The following ICA1L variants were observed in gnomAD, a reference collection of about 807,000 sequenced individuals.
ICA1L encodes the protein islet cell autoantigen 1 like.
In ICA1L, 50 loss-of-function variants were observed where a neutral mutation model predicts 61.3. The observed-to-expected ratio is 0.82, with a 90% confidence interval of 0.65 to 1.03. ICA1L has a LOEUF of 1.03. Among genes scored for constraint, ICA1L ranks in the 50% least tolerant of loss-of-function variants. ICA1L has a pLI of 0.00. For synonymous variants in ICA1L, 161 were observed against 191.3 expected, an observed-to-expected ratio of 0.84 and a Z score of 1.31; for missense variants, 508 against 556.7, an observed-to-expected ratio of 0.91 and a Z score of 0.88.
intron 9 of ICA1L, among the ~76,000 whole-genome samples, chr2:202,799,817 C>T (rs80239256): frequency 0.039 from 5,844 of 150,202 alleles, 363 homozygotes; most frequent in African/African-American, 0.13. Flanking sequence ...GGTCCAGGTT[C>T]ATTGTTCTAC....
Position 202,785,974 on chromosome 2 carries a change from A to C in ICA1L, c.1277T>G (p.Leu426Arg). 1 of 1,610,344 alleles carries C rather than the reference A, an allele frequency of 6.2e-7. No homozygotes were observed. The highest frequency in any genetic ancestry group is 8.5e-7 in the Non-Finnish European group (1 of 1,177,238). Residue 426 changes from leucine to arginine, a missense_variant, in exon 12 of 13, where the codon CTT becomes CGT. Physicochemically the swap from Leu to Arg is moderately radical, Grantham distance 102. Transcript: ENST00000358299. ...CACTGGCTGGTTATCAGTGTGTGAA[A>C]GACAAAGTTCTGATTCCTCTTGGGA... ...WVSQEESELC[L>R]SHTDNQPVPS...
chr2:202,787,382 G>A (rs1018359091), intron 11 of ICA1L, among the ~76,000 whole-genome samples: 19 of 152,232 alleles, frequency 1.2e-4, no homozygotes, highest in African/African-American at 4.1e-4. Context: ...GGAGTTGATA[G>A]TGGAGAATGA....
chr2:202,838,074 G>A (rs984604400), intron 1 of ICA1L, among the ~76,000 whole-genome samples: 2 of 151,946 alleles, frequency 1.3e-5, no homozygotes, highest in African/African-American at 4.8e-5. Flanking sequence ...GGCTGATCTC[G>A]ATCTCCTGAC....
chr2:202,831,479 C>T (rs745717390), intron 1 of ICA1L, among the ~76,000 whole-genome samples: 19 of 152,220 alleles, frequency 1.2e-4, no homozygotes, highest in Non-Finnish European at 2.6e-4. Context: ...ATATGACAAA[C>T]TGTTAATCTC....
At position 202,815,907 on chromosome 2, in the gene ICA1L, G is replaced by A. The variant is rs758428250; in HGVS notation, c.783+4C>T. ...TAAACAAGAGAACATGGAACACAAT[G>A]TACCTTGAGAGCTACAAAATCATAC... On this transcript the variant is annotated splice_donor_region_variant and intron_variant, in intron 7 of 12. Coordinates refer to ENST00000358299, the MANE Select transcript of ICA1L (RefSeq NM_001288622.3). 7 of 1,548,806 alleles carry A rather than the reference G, an allele frequency of 4.5e-6. No homozygotes were observed. The highest frequency in any genetic ancestry group is 2.4e-5 in the South Asian group (2 of 83,602).
rs547411488 is a variant in ICA1L, at chr2:202,852,142, C to T, written c.-8+19477G>A. 2.6e-5 allele frequency among the ~76,000 whole-genome samples: 4 copies of T among 152,226 alleles called. No individual in the cohort carries two copies. In the East Asian group the frequency reaches 7.7e-4, roughly 29 times the overall value. Reference sequence around the variant, plus strand: ...TTCTAGGGTTTTTATGGTTTTAGGTCTAACATTTCAGTCTTTACTATTTAG... The same window carrying T: ...TTCTAGGGTTTTTATGGTTTTAGGTTTAACATTTCAGTCTTTACTATTTAG... On this transcript the variant is annotated intron_variant, in intron 1 of 12. Coordinates refer to ENST00000358299, the MANE Select transcript of ICA1L (RefSeq NM_001288622.3).
At chr2:202,818,372 TATC>T (rs1693599329) in intron 5 of ICA1L, among the ~76,000 whole-genome samples, 1 of 152,100 alleles carries the variant, frequency 6.6e-6, no homozygotes. Context: ...GTGAAGACCT[TATC>T]ATGTTAGAAC....
At chr2:202,863,898 A>G (rs949619354) in intron 1 of ICA1L, among the ~76,000 whole-genome samples, 2 of 152,134 alleles carry the variant, frequency 1.3e-5, no homozygotes, top group African/African-American at 4.8e-5. Flanking sequence ...TAAGAAAGGT[A>G]TATTTTTAAC....
chr2:202,841,512 C>G, intron 1 of ICA1L: 1 of 738,026 alleles, frequency 1.4e-6, no homozygotes, highest in South Asian at 1.4e-5. Flanking sequence ...TGGGTGCACA[C>G]GGCCTGGATG....
At position 202,788,836 on chromosome 2, in the gene ICA1L, A is replaced by G. The variant is rs747847974; in HGVS notation, c.1237T>C (p.Phe413Leu). Residue 413 changes from phenylalanine (F) to leucine (L), a missense_variant, in exon 11 of 13, where the codon TTC becomes CTC. Phe to Leu is a conservative substitution (Grantham distance 22). Transcript: ENST00000358299. ...FDLGFHVAGAFNNWVSQEESE... is the reference protein window; with the variant it reads ...FDLGFHVAGALNNWVSQEESE... ...ATGTTTCATAGACACTTACTGTTGAACGCTCCAGCCACATGAAAGCCAAGG... is the reference window on the plus strand; with the variant it reads ...ATGTTTCATAGACACTTACTGTTGAGCGCTCCAGCCACATGAAAGCCAAGG... The G allele has an allele frequency of 1.9e-6, 3 of 1,614,028 alleles. No individual in the cohort carries two copies. The Admixed American group carries it at 5.0e-5, about 27-fold the overall frequency.
At chr2:202,819,390 G>A (rs1286261933) in intron 5 of ICA1L, among the ~76,000 whole-genome samples, 1 of 152,038 alleles carries the variant, frequency 6.6e-6, no homozygotes, top group Admixed American at 6.6e-5. Flanking sequence ...TTGTCCCTCT[G>A]TAATAAACTA....
intron 8 of ICA1L, among the ~76,000 whole-genome samples, chr2:202,812,438 A>G (rs4675294): frequency 0.91 from 137,999 of 151,834 alleles, 62,799 homozygotes; most frequent in African/African-American, 0.95. Flanking sequence ...TTAGCTGGGC[A>G]TGGTGGCATG....
intron 1 of ICA1L, among the ~76,000 whole-genome samples, chr2:202,831,708 C>G (rs537109508): frequency 7.9e-5 from 12 of 152,292 alleles, no homozygotes; most frequent in Non-Finnish European, 1.8e-4. Flanking sequence ...TGGAAACTAT[C>G]TTGCCTGCAG....
chr2:202,847,703 A>ATATATATATATATATATATATGTATATG (rs11274512), intron 1 of ICA1L, among the ~76,000 whole-genome samples: 15 of 131,234 alleles, frequency 1.1e-4, no homozygotes, highest in African/African-American at 4.3e-4. Context: ...AATTATATAT[A>ATATATATATATATATATATATGTATATG]TATATAGTTA....
chr2:202,830,682 C>A (rs1472464998), intron 1 of ICA1L, among the ~76,000 whole-genome samples: 1 of 152,110 alleles, frequency 6.6e-6, no homozygotes, highest in Non-Finnish European at 1.5e-5. Context: ...TAGAGGTTCA[C>A]TTTCTTTTAA....
At position 202,773,595 on chromosome 2, in the gene ICA1L, T is replaced by C. The variant is rs1334060999; in HGVS notation, c.*5938A>G. 1.8e-6 allele frequency: 1 copy of C among 563,962 alleles called. No homozygotes were observed. Among genetic ancestry groups the C allele is most frequent in the Non-Finnish European group, 3.2e-6 (1 of 315,498 alleles). 34.9% of individuals were successfully genotyped at this position (563,962 alleles called of 1,614,324 possible). A position where few individuals can be genotyped will look rare whatever the true frequency, so the allele number is the denominator to read the frequency against. On this transcript the variant is annotated 3_prime_UTR_variant, in exon 13 of 13. Coordinates refer to ENST00000358299, the MANE Select transcript of ICA1L (RefSeq NM_001288622.3). ...CGTCTGCAACTTAAGCCGTCCACAG[T>C]CCTAAGCCTGATATGCTCAAAGCAA...
chr2:202,834,339 T>C (rs1353598827), intron 1 of ICA1L, among the ~76,000 whole-genome samples: 1 of 152,096 alleles, frequency 6.6e-6, no homozygotes, highest in African/African-American at 2.4e-5. Context: ...AACTTTAACA[T>C]GCATAGAGGC....
chr2:202,819,327 A>G (rs1056182564), intron 5 of ICA1L, among the ~76,000 whole-genome samples: 4 of 152,348 alleles, frequency 2.6e-5, no homozygotes, highest in East Asian at 3.9e-4. Context: ...GATAACCTTC[A>G]TATTTCCTTA....
intron 12 of ICA1L, among the ~76,000 whole-genome samples, chr2:202,782,103 T>C (rs1002783924): frequency 6.6e-6 from 1 of 152,074 alleles, no homozygotes; most frequent in African/African-American, 2.4e-5. Flanking sequence ...CCCAGCACTT[T>C]AGGAGGCCAA....
Sources: gnomAD v4.1 joint callset for allele counts (sites outside exome capture counted in the v4.1 genomes callset) on GRCh38, gnomAD v4.1.1 for gene constraint, MANE v1.5 for transcripts, NCBI Gene and HGNC (gene_info 2026-07-23, HGNC 2026-07-21) for gene names.